Variants in MYPN observed in about 807,000 individuals in gnomAD.
MYPN encodes sarcomeric protein myopalladin, 145 kDa (MYOP).
MYPN carries 63 observed loss-of-function variants against 129.4 expected under a neutral mutation model. The ratio of observed to expected loss-of-function variants is 0.49; its 90% CI spans 0.40 to 0.60. The LOEUF (loss-of-function observed/expected upper bound fraction) is 0.60, where lower values mean the gene tolerates loss of function less well. MYPN is among the 20% of genes least tolerant of loss of function. The probability of loss-of-function intolerance (pLI) is 0.00; values close to 1 mark genes in which losing one functional copy is unlikely to be tolerated. For missense variants in MYPN, 1,596 were observed against 1,635.4 expected, an observed-to-expected ratio of 0.98 and a Z score of 0.42; for synonymous variants, 629 against 600.9, an observed-to-expected ratio of 1.05 and a Z score of -0.68.
At chr10:68,194,537 T>A in intron 14 of MYPN, 25 bp downstream of exon 14, 1 of 1,611,852 alleles carries the variant, frequency 6.2e-7, no homozygotes, top group Non-Finnish European at 8.5e-7. Flanking sequence ...TTCTGCGCTG[T>A]GCTGCACTCT....
intron 2 of MYPN, among the ~76,000 whole-genome samples, chr10:68,128,991 CCTCT>C (rs397769961): frequency 1.1e-4 from 16 of 150,776 alleles, no homozygotes; most frequent in Admixed American, 8.0e-4. Context: ...GATTCTCTCT[CCTCT>C]CTCTCTCTCT....
At chr10:68,194,978 C>T (rs2043580224) in intron 14 of MYPN, among the ~76,000 whole-genome samples, 1 of 152,190 alleles carries the variant, frequency 6.6e-6, no homozygotes, top group Non-Finnish European at 1.5e-5. Context: ...CATAATCATC[C>T]ACTTTCCTTT....
chr10:68,158,424 C>A, intron 6 of MYPN, 62 bp from the exon 7 acceptor site: 1 of 1,536,122 alleles, frequency 6.5e-7, no homozygotes, highest in Non-Finnish European at 9.0e-7. Flanking sequence ...AATTCAACAC[C>A]GAAACTAGAT....
Position 68,189,113 on chromosome 10 carries a change from T to C in MYPN, c.2912T>C (p.Ile971Thr). 1 of 1,613,894 alleles carries C rather than the reference T, an allele frequency of 6.2e-7. No individual in the cohort carries two copies. Among genetic ancestry groups the C allele is most frequent in the Non-Finnish European group, 8.5e-7 (1 of 1,179,790 alleles). Reference sequence around the variant, plus strand: ...ACATTCACCTGCAAAATTGTTGGGATACCTGTTCCAAAGGTAGGGAAGATG... The same window carrying C: ...ACATTCACCTGCAAAATTGTTGGGACACCTGTTCCAAAGGTAGGGAAGATG... ...PVTFTCKIVG[I>T]PVPKVYWFKD... The change falls in exon 13 of 20, where the codon ATA becomes ACA. Residue 971 changes from isoleucine (I) to threonine (T), a missense_variant. Transcript: ENST00000358913.
chr10:68,101,036 T>A (rs1012787221), intron 1 of MYPN, among the ~76,000 whole-genome samples: 2 of 152,242 alleles, frequency 1.3e-5, no homozygotes, highest in South Asian at 4.1e-4. Flanking sequence ...AGTTTACACA[T>A]CATTTTTATG....
chr10:68,179,469 C>T (rs1276902096), intron 12 of MYPN, among the ~76,000 whole-genome samples: 1 of 152,094 alleles, frequency 6.6e-6, no homozygotes, highest in African/African-American at 2.4e-5. Flanking sequence ...ATTGCTGAAT[C>T]AACCCACGAC....
At chr10:68,207,164 A>G (rs1185703015) in intron 19 of MYPN, among the ~76,000 whole-genome samples, 1 of 152,146 alleles carries the variant, frequency 6.6e-6, no homozygotes, top group East Asian at 1.9e-4. Context: ...CAGCTGAGGC[A>G]GAAGAATTGG....
Position 68,166,641 on chromosome 10 carries a change from C to T in MYPN, c.1948C>T (p.Pro650Ser), listed in dbSNP as rs763195372. 1.1e-5 allele frequency: 17 copies of T among 1,613,912 alleles called. No individual in the cohort carries two copies. Among genetic ancestry groups the T allele is most frequent in the Non-Finnish European group, 9.3e-6 (11 of 1,180,024 alleles). The change falls in exon 10 of 20, where the codon CCT becomes TCT. Residue 650 changes from proline (P) to serine (S), a missense_variant. Physicochemically the swap from Pro to Ser is moderately conservative, Grantham distance 74. Transcript: ENST00000358913. ...GCCTTCTTCCCCCGTGAAAGAGCCC[C>T]CTCCAGTTCTGGCCAAACCCAAACT... Reference protein sequence around the residue: ...PEPSSPVKEPPPVLAKPKLDS... With the variant: ...PEPSSPVKEPSPVLAKPKLDS...
rs1418247710 is a variant in MYPN at position 68,122,246 on chromosome 10, C to T, written c.808C>T (p.Arg270Trp). Residue 270 changes from arginine to tryptophan, a missense_variant, in exon 2 of 20, where the codon CGG becomes TGG. By Grantham distance (101) the Arg-to-Trp change is moderately radical. Transcript: ENST00000358913. The stretch of plus-strand genomic sequence containing the variant: ...TGAAGAACCTCTGGGGCAACCTCCC[C>T]GGTTCACTCAAAAGTTACGGAGCAG... Reference protein sequence around the residue: ...YYEEPLGQPPRFTQKLRSREV... With the variant: ...YYEEPLGQPPWFTQKLRSREV... 6.2e-7 allele frequency: 1 copy of T among 1,613,252 alleles called. No homozygotes were observed. The highest frequency in any genetic ancestry group is 8.5e-7 in the Non-Finnish European group (1 of 1,179,564).
chr10:68,094,298 C>G (rs1265561597), intron 1 of MYPN, among the ~76,000 whole-genome samples: 2 of 151,288 alleles, frequency 1.3e-5, no homozygotes, highest in East Asian at 1.9e-4. Flanking sequence ...GAGTTTCGCT[C>G]TTGTTGCCCA....
Position 68,143,063 on chromosome 10 carries a change from T to C in MYPN, c.1026T>C (p.Phe342=). 1.2e-6 allele frequency: 2 copies of C among 1,614,176 alleles called. No individual in the cohort carries two copies. The highest frequency in any genetic ancestry group is 1.7e-6 in the Non-Finnish European group (2 of 1,180,018). The change falls in exon 3 of 20, where the codon TTT becomes TTC. Residue 342 remains phenylalanine (F), a synonymous_variant. Transcript: ENST00000358913. ...FEEDTGRYSC[F]ASNIYGTDST... is the part of the protein sequence containing the mutation. ...AGGACACAGGACGCTATTCCTGCTT[T>C]GCTTCTAACATCTATGGGACAGATT...
At chr10:68,097,796 G>T (rs1222134750) in intron 1 of MYPN, among the ~76,000 whole-genome samples, 4 of 150,046 alleles carry the variant, frequency 2.7e-5, no homozygotes, top group South Asian at 4.2e-4. Context: ...AAAAATCCGT[G>T]TCCAAACCAA....
intron 3 of MYPN, among the ~76,000 whole-genome samples, chr10:68,144,684 C>A (rs2042633129): frequency 6.6e-6 from 1 of 152,084 alleles, no homozygotes; most frequent in Non-Finnish European, 1.5e-5. Context: ...AACACCCCCT[C>A]TCTCACAATG....
intron 1 of MYPN, among the ~76,000 whole-genome samples, chr10:68,095,115 G>A (rs1015475473): frequency 3.9e-5 from 6 of 152,038 alleles, no homozygotes; most frequent in Non-Finnish European, 8.8e-5. Flanking sequence ...AGGCTGTGGT[G>A]GATGGATTGC....
intron 8 of MYPN, among the ~76,000 whole-genome samples, chr10:68,162,707 G>A (rs1438179249): frequency 6.6e-6 from 1 of 152,202 alleles, no homozygotes; most frequent in Non-Finnish European, 1.5e-5. Flanking sequence ...TGTAATCCCA[G>A]CACTTTGGGA....
rs78978890 is a variant in MYPN at position 68,126,262 on chromosome 10, C to T, written c.902+3922C>T. 6.9e-3 allele frequency among the ~76,000 whole-genome samples: 1,051 copies of T among 152,192 alleles called. 42 individuals carry two copies. In the East Asian group the frequency reaches 0.11, roughly 15 times the overall value. On this transcript the variant is annotated intron_variant, in intron 2 of 19. Coordinates refer to ENST00000358913, the MANE Select transcript of MYPN (RefSeq NM_032578.4). ...CAGCATGTTTATGGAAAGGCACAGA[C>T]GCTCTAATTATAATAATATTTTTTA... is the stretch of plus-strand genomic sequence containing the variant.
intron 4 of MYPN, 51 bp from the exon 5 acceptor site, chr10:68,148,302 C>A (rs1309040316): frequency 7.1e-7 from 1 of 1,407,350 alleles, no homozygotes; most frequent in Non-Finnish European, 1.0e-6. Flanking sequence ...AAATAATTTT[C>A]ACAAAGAGTG....
At position 68,166,399 on chromosome 10, in the gene MYPN, C is replaced by A; in HGVS notation, c.1706C>A (p.Ser569Tyr). Residue 569 changes from serine (S) to tyrosine (Y), a missense_variant, in exon 10 of 20, where the codon TCT becomes TAT. Ser to Tyr is a moderately radical substitution (Grantham distance 144). Transcript: ENST00000358913. ...QPSPPHSEPP[S>Y]VEQPPKPKLE... ...TCCCCACCCCACTCAGAGCCTCCAT[C>A]TGTGGAACAACCCCCCAAACCCAAA... 1.2e-6 allele frequency: 2 copies of A among 1,614,134 alleles called. No homozygotes were observed. The highest frequency in any genetic ancestry group is 1.7e-6 in the Non-Finnish European group (2 of 1,180,046).
chr10:68,183,189 G>A (rs1206423733), intron 12 of MYPN, among the ~76,000 whole-genome samples: 1 of 152,162 alleles, frequency 6.6e-6, no homozygotes, highest in Non-Finnish European at 1.5e-5. Context: ...GGCCAGGCAC[G>A]GTGACTCACG....
Sources: allele counts gnomAD v4.1 joint callset (sites outside exome capture counted in the v4.1 genomes callset), GRCh38; gene constraint gnomAD v4.1.1; transcripts MANE v1.5; gene names NCBI Gene and HGNC (gene_info 2026-07-23, HGNC 2026-07-21).